PCDHA2: variants seen among roughly 807,000 people sequenced by gnomAD.
PCDHA2 encodes the protein protocadherin alpha-2.
Under a neutral mutation model 66.0 loss-of-function variants are expected in PCDHA2, and 58 were observed. The ratio of observed to expected loss-of-function variants is 0.88; its 90% confidence interval spans 0.71 to 1.09. The LOEUF (loss-of-function observed/expected upper bound fraction) is 1.09, where lower values mean the gene tolerates loss of function less well. PCDHA2 is among the 50% of genes least tolerant of loss of function. The probability of loss-of-function intolerance (pLI) is 0.00; values close to 1 mark genes in which losing one functional copy is unlikely to be tolerated. For missense variants in PCDHA2, 1,267 were observed against 1,242.3 expected, an observed-to-expected ratio of 1.02 and a Z score of -0.30; for synonymous variants, 634 against 554.0, an observed-to-expected ratio of 1.14 and a Z score of -2.03.
At chr5:140,824,122 G>A (rs1768005836) in intron 1 of PCDHA2, 2 of 1,613,834 alleles carry the variant, frequency 1.2e-6, no homozygotes, top group Admixed American at 1.7e-5. Flanking sequence ...CACCTCTACA[G>A]ACAACGTGAG....
chr5:140,881,300 T>C, intron 1 of PCDHA2: 3 of 957,608 alleles, frequency 3.1e-6, no homozygotes, highest in Non-Finnish European at 3.7e-6. Flanking sequence ...ATGGAAACTT[T>C]AACCTCCTGG....
At position 140,883,003 on chromosome 5, in the gene PCDHA2, C is replaced by G. The variant is rs781977743; in HGVS notation, c.2388+85651C>G. 3.1e-6 allele frequency: 5 copies of G among 1,613,932 alleles called. No homozygotes were observed. The African/African-American group carries it at 5.3e-5, about 17-fold the overall frequency. On this transcript the variant is annotated intron_variant, in intron 1 of 3. Coordinates refer to ENST00000526136, the MANE Select transcript of PCDHA2 (RefSeq NM_018905.3). ...ACAACGCCCCGGAATTTTACCAATC[C>G]GTTTATAAAGTGACGGTGTTAGAGA... is the stretch of plus-strand genomic sequence containing the variant.
At chr5:140,841,586 C>A (rs1327577851) in intron 1 of PCDHA2, 4 of 1,614,026 alleles carry the variant, frequency 2.5e-6, no homozygotes, top group East Asian at 4.5e-5. Flanking sequence ...TGTGAATTCT[C>A]GGATCGACCG....
At chr5:140,915,083 C>G (rs2076973100) in intron 1 of PCDHA2, among the ~76,000 whole-genome samples, 1 of 151,628 alleles carries the variant, frequency 6.6e-6, no homozygotes, top group African/African-American at 2.4e-5. Flanking sequence ...GTAGCTGGGA[C>G]TATGGGCACG....
chr5:140,876,269 C>T, intron 1 of PCDHA2: 2 of 1,614,036 alleles, frequency 1.2e-6, no homozygotes, highest in Non-Finnish European at 1.7e-6. Flanking sequence ...CAACTAAATG[C>T]TTCCGATCCA....
At chr5:140,828,491 C>G in intron 1 of PCDHA2, 2 of 1,614,194 alleles carry the variant, frequency 1.2e-6, no homozygotes, top group Non-Finnish European at 1.7e-6. Context: ...GCCCTTGTTC[C>G]CGGTAGAGGA....
intron 1 of PCDHA2, chr5:140,823,046 T>C: frequency 6.2e-7 from 1 of 1,614,200 alleles, no homozygotes; most frequent in South Asian, 1.1e-5. Flanking sequence ...GAGCTGGTGG[T>C]GACCGCGCGG....
At chr5:140,937,769 G>A (rs908179495) in intron 1 of PCDHA2, among the ~76,000 whole-genome samples, 44 of 151,776 alleles carry the variant, frequency 2.9e-4, no homozygotes, top group African/African-American at 9.4e-4. Context: ...AAAATTAGTC[G>A]GGCGTGGTGG....
At chr5:140,952,338 CAA>C (rs55931446) in intron 1 of PCDHA2, among the ~76,000 whole-genome samples, 119 of 135,000 alleles carry the variant, frequency 8.8e-4, no homozygotes, top group Admixed American at 1.8e-3. Flanking sequence ...AACTCCATCT[CAA>C]AAAAAAAAAA....
intron 1 of PCDHA2, chr5:140,828,028 A>G (rs2150150265): frequency 1.0e-4 from 158 of 1,520,712 alleles, no homozygotes; most frequent in Non-Finnish European, 4.4e-6. Flanking sequence ...AAATTCCGGA[A>G]CATACAGTAT....
At chr5:140,852,242 C>T (rs1581273178) in intron 1 of PCDHA2, 1 of 575,754 alleles carries the variant, frequency 1.7e-6, no homozygotes, top group East Asian at 1.4e-4. Context: ...TCCCTTAAAA[C>T]ACACTTTTGG....
Position 140,796,107 on chromosome 5 carries a change from G to C in PCDHA2, c.1143G>C (p.Thr381=). 6.2e-7 allele frequency: 1 copy of C among 1,614,230 alleles called. No individual in the cohort carries two copies. Among genetic ancestry groups the C allele is most frequent in the Non-Finnish European group, 8.5e-7 (1 of 1,180,048 alleles). The change falls in exon 1 of 4, where the codon ACG becomes ACC. Residue 381 remains threonine (T), a synonymous_variant. Transcript: ENST00000526136. ...LITVSDRDSG[T]NGHVTCSLTP... ...CGGTGTCGGATCGCGACTCTGGTAC[G>C]AATGGACATGTCACCTGCTCCCTGA...
chr5:140,984,505 TGATGCATGAGTCACA>T (rs2097106604), intron 3 of PCDHA2, among the ~76,000 whole-genome samples: 1 of 152,206 alleles, frequency 6.6e-6, no homozygotes, highest in African/African-American at 2.4e-5. Context: ...GCCTGGCTGC[TGATGCATGAGTCACA>T]GTCTTCATGG....
At chr5:140,807,611 A>T (rs782442126) in intron 1 of PCDHA2, 2 of 1,614,226 alleles carry the variant, frequency 1.2e-6, no homozygotes, top group South Asian at 2.2e-5. Context: ...GAACCTGTCC[A>T]TCGCGGAATC....
chr5:140,882,182 G>A (rs1357141908), intron 1 of PCDHA2: 1 of 1,518,510 alleles, frequency 6.6e-7, no homozygotes, highest in Non-Finnish European at 8.8e-7. Context: ...TCCGCACTAG[G>A]AAGCCATAAA....
intron 1 of PCDHA2, chr5:140,849,768 G>C (rs2150449044): frequency 6.3e-7 from 1 of 1,598,502 alleles, no homozygotes; most frequent in East Asian, 2.2e-5. Context: ...CGAGCTGGTG[G>C]TTACCGCGCG....
At chr5:140,801,913 C>A (rs781803444) in intron 1 of PCDHA2, 1 of 1,614,134 alleles carries the variant, frequency 6.2e-7, no homozygotes, top group Non-Finnish European at 8.5e-7. Flanking sequence ...AACGACAACG[C>A]CCCAGCGTTT....
intron 2 of PCDHA2, among the ~76,000 whole-genome samples, chr5:140,982,104 G>A (rs1280175443): frequency 6.6e-6 from 1 of 152,256 alleles, no homozygotes; most frequent in Non-Finnish European, 1.5e-5. Flanking sequence ...GAACCTGCAA[G>A]AGAGGCTTGG....
chr5:140,941,564 C>T (rs1352264408), intron 1 of PCDHA2, among the ~76,000 whole-genome samples: 2 of 151,992 alleles, frequency 1.3e-5, no homozygotes, highest in Non-Finnish European at 2.9e-5. Flanking sequence ...ATCCATTCGC[C>T]TCAGCCTCCC....
Sources: gnomAD v4.1 joint callset for allele counts (sites outside exome capture counted in the v4.1 genomes callset) on GRCh38, gnomAD v4.1.1 for gene constraint, MANE v1.5 for transcripts, NCBI Gene and HGNC (gene_info 2026-07-23, HGNC 2026-07-21) for gene names.